The following SH2D4B variants were observed in gnomAD, a reference collection of about 807,000 sequenced individuals.
SH2D4B encodes the protein SH2 domain containing 4B.
Under a neutral mutation model 61.5 loss-of-function variants are expected in SH2D4B, and 45 were observed. The ratio of observed to expected loss-of-function variants is 0.73; its 90% CI spans 0.58 to 0.94. The LOEUF (loss-of-function observed/expected upper bound fraction) is 0.94, where lower values mean the gene tolerates loss of function less well. SH2D4B is among the 40% of genes least tolerant of loss of function. The pLI is 0.00. For missense variants in SH2D4B, 572 were observed against 574.2 expected (o/e 1.00, Z 0.04); for synonymous variants, 224 against 220.4 (o/e 1.02, Z -0.14).
chr10:80,555,432 G>A (rs577406487), intron 1 of SH2D4B, among the ~76,000 whole-genome samples: 1 of 152,286 alleles, frequency 6.6e-6, no homozygotes, highest in Admixed American at 6.5e-5. Flanking sequence ...CTGTCCATCT[G>A]CAAACACAGC....
At chr10:80,642,041 A>G (rs1157804142) in intron 7 of SH2D4B, among the ~76,000 whole-genome samples, 1 of 152,260 alleles carries the variant, frequency 6.6e-6, no homozygotes, top group Admixed American at 6.5e-5. Flanking sequence ...GAGCAGTAAC[A>G]TAAAAACTTA....
At chr10:80,606,266 CTTT>C (rs201730892) in intron 5 of SH2D4B, among the ~76,000 whole-genome samples, 2 of 139,066 alleles carry the variant, frequency 1.4e-5, no homozygotes, top group Admixed American at 7.1e-5. Context: ...TATTTATACT[CTTT>C]TTTTTTTTTT....
intron 1 of SH2D4B, among the ~76,000 whole-genome samples, chr10:80,540,388 C>T (rs1841562142): frequency 2.0e-5 from 3 of 152,144 alleles, no homozygotes; most frequent in Non-Finnish European, 2.9e-5. Context: ...GCTTCATGTC[C>T]TGGGGTCGTG....
intron 3 of SH2D4B, among the ~76,000 whole-genome samples, chr10:80,585,725 C>G (rs979418058): frequency 6.6e-6 from 1 of 152,226 alleles, no homozygotes; most frequent in African/African-American, 2.4e-5. Flanking sequence ...GCAGCCCTCA[C>G]AGCCCTCGCT....
intron 6 of SH2D4B, among the ~76,000 whole-genome samples, chr10:80,612,962 C>T (rs1376557400): frequency 6.6e-6 from 1 of 152,226 alleles, no homozygotes; most frequent in Non-Finnish European, 1.5e-5. Context: ...ATTGTAACAT[C>T]TACTTCACAG....
intron 6 of SH2D4B, among the ~76,000 whole-genome samples, chr10:80,621,495 G>C (rs1842717099): frequency 6.6e-6 from 1 of 152,176 alleles, no homozygotes; most frequent in Non-Finnish European, 1.5e-5. Context: ...CCTATCTCTG[G>C]TGTAAGAGTC....
intron 7 of SH2D4B, among the ~76,000 whole-genome samples, chr10:80,643,437 A>G (rs770618543): frequency 2.6e-4 from 39 of 152,124 alleles, no homozygotes; most frequent in Non-Finnish European, 4.7e-4. Context: ...TTAAATGCCT[A>G]TAAATTTTAG....
intron 1 of SH2D4B, among the ~76,000 whole-genome samples, chr10:80,553,967 C>T (rs1443395355): frequency 6.6e-6 from 1 of 152,146 alleles, no homozygotes; most frequent in Non-Finnish European, 1.5e-5. Context: ...TTTCCTCTTA[C>T]CTAAACTGGA....
At chr10:80,629,425 C>T (rs7074908) in intron 6 of SH2D4B, among the ~76,000 whole-genome samples, 14,062 of 152,184 alleles carry the variant, frequency 0.092, 1,229 homozygotes, top group African/African-American at 0.23. Context: ...AGAGGGGACA[C>T]ACATCCAAAC....
chr10:80,629,638 G>T (rs1564529841), intron 6 of SH2D4B, among the ~76,000 whole-genome samples: 1 of 152,184 alleles, frequency 6.6e-6, no homozygotes, highest in Non-Finnish European at 1.5e-5. Flanking sequence ...CAGGCAGTTT[G>T]CAGCACTAAC....
At chr10:80,555,412 G>C (rs1031728411) in intron 1 of SH2D4B, among the ~76,000 whole-genome samples, 2 of 152,196 alleles carry the variant, frequency 1.3e-5, no homozygotes, top group African/African-American at 4.8e-5. Context: ...CTGCAGACCA[G>C]GTTCCAATGC....
At chr10:80,589,704 T>C (rs1842304066) in intron 4 of SH2D4B, among the ~76,000 whole-genome samples, 1 of 152,084 alleles carries the variant, frequency 6.6e-6, no homozygotes, top group South Asian at 2.1e-4. Flanking sequence ...ACATACAACA[T>C]AGTTGTCCTG....
chr10:80,580,272 G>T (rs1842173228), intron 3 of SH2D4B, among the ~76,000 whole-genome samples: 1 of 152,186 alleles, frequency 6.6e-6, no homozygotes, highest in Non-Finnish European at 1.5e-5. Flanking sequence ...GCACTTTGAG[G>T]CAGGGAAGAA....
At chr10:80,580,341 A>G (rs891071106) in intron 3 of SH2D4B, among the ~76,000 whole-genome samples, 2 of 152,140 alleles carry the variant, frequency 1.3e-5, no homozygotes, top group African/African-American at 2.4e-5. Context: ...ATTAGACCCT[A>G]TACATCAAAA....
At chr10:80,560,695 T>C (rs1179414262) in intron 1 of SH2D4B, among the ~76,000 whole-genome samples, 65 of 36,436 alleles carry the variant, frequency 1.8e-3, no homozygotes, top group African/African-American at 0.012. Context: ...TGGCCAAGCT[T>C]TTTTTTTTTT....
At chr10:80,542,345 ATGTCCACACTAC>A in intron 1 of SH2D4B, among the ~76,000 whole-genome samples, 1 of 151,056 alleles carries the variant, frequency 6.6e-6, no homozygotes, top group South Asian at 2.1e-4. Flanking sequence ...CTGAGGACAC[ATGTCCACACTAC>A]TGACCCAGGA....
At chr10:80,609,016 T>G (rs1842557357) in intron 5 of SH2D4B, among the ~76,000 whole-genome samples, 1 of 152,134 alleles carries the variant, frequency 6.6e-6, no homozygotes, top group Admixed American at 6.5e-5. Context: ...GGAGCCTCCT[T>G]CATCCATGCT....
intron 4 of SH2D4B, among the ~76,000 whole-genome samples, chr10:80,602,498 G>T (rs1410367997): frequency 6.6e-6 from 1 of 152,148 alleles, no homozygotes; most frequent in Admixed American, 6.5e-5. Context: ...TAATATATGT[G>T]TATGTGAAGA....
chr10:80,607,528 C>T (rs913265818), intron 5 of SH2D4B: 4 of 152,286 alleles, frequency 2.6e-5, no homozygotes, highest in Non-Finnish European at 4.4e-5. Flanking sequence ...ACCTCACCCT[C>T]TGTCCTTCCA....
Sources: gnomAD v4.1 joint callset for allele counts (sites outside exome capture counted in the v4.1 genomes callset) on GRCh38, gnomAD v4.1.1 for gene constraint, MANE v1.5 for transcripts, NCBI Gene and HGNC (gene_info 2026-07-23, HGNC 2026-07-21) for gene names.